Variants in PPARG observed in about 807,000 individuals in gnomAD.
PPARG encodes peroxisome proliferator-activated receptor gamma.
In PPARG, 17 loss-of-function variants were observed where a neutral mutation model predicts 39.2. The ratio of observed to expected loss-of-function variants is 0.43; its 90% CI spans 0.30 to 0.65. The LOEUF (loss-of-function observed/expected upper bound fraction) is 0.65, where lower values mean the gene tolerates loss of function less well. Ranked by LOEUF, PPARG falls within the 30% of genes least tolerant of loss-of-function variation. The pLI is 0.13. For synonymous variants in PPARG, 223 were observed against 215.7 expected (o/e 1.03, Z -0.30); for missense variants, 406 against 585.9 (o/e 0.69, Z 3.17).
chr3:12,312,929 G>A (rs2047289205), intron 2 of PPARG, among the ~76,000 whole-genome samples: 1 of 152,112 alleles, frequency 6.6e-6, no homozygotes, highest in Non-Finnish European at 1.5e-5. Context: ...GTTATACCCG[G>A]CATTAAAACT....
intron 5 of PPARG, among the ~76,000 whole-genome samples, chr3:12,400,619 C>T (rs375350709): frequency 2.1e-4 from 32 of 152,306 alleles, no homozygotes; most frequent in Middle Eastern, 3.4e-3. Flanking sequence ...TAGGAAACTG[C>T]GTGCCAGTGT....
At chr3:12,421,280 G>A (rs2051251336) in intron 7 of PPARG, among the ~76,000 whole-genome samples, 1 of 152,194 alleles carries the variant, frequency 6.6e-6, no homozygotes, top group South Asian at 2.1e-4. Context: ...TAGAAGCCAG[G>A]AACAGCGCTT....
At chr3:12,362,574 G>GAAC (rs1360306267) in intron 2 of PPARG, among the ~76,000 whole-genome samples, 1 of 149,064 alleles carries the variant, frequency 6.7e-6, no homozygotes, top group East Asian at 2.0e-4. Context: ...TAAATAAAAC[G>GAAC]AACAACAACA....
Position 12,396,672 on chromosome 3 carries a change from C to T in PPARG, c.529+3920C>T, listed in dbSNP as rs139677846. Among the ~76,000 whole-genome samples, 3 of 150,804 alleles carry T rather than the reference C, an allele frequency of 2.0e-5. No individual in the cohort carries two copies. In the East Asian group the frequency reaches 5.9e-4, roughly 30 times the overall value. ...ACTCGGGAGTCTGGAGTGGGAAGAT[C>T]GCTTTAGCCCAGGGGGTGGAAGTTG... On this transcript the variant is annotated intron_variant, in intron 5 of 7. Transcript: ENST00000651735.
At chr3:12,294,462 A>G (rs961984746) in intron 1 of PPARG, among the ~76,000 whole-genome samples, 9 of 152,216 alleles carry the variant, frequency 5.9e-5, no homozygotes, top group African/African-American at 2.2e-4. Context: ...TGGTCTCTTC[A>G]TGAGTCAACT....
chr3:12,302,028 T>C (rs1377064559), intron 1 of PPARG, among the ~76,000 whole-genome samples: 1 of 152,026 alleles, frequency 6.6e-6, no homozygotes, highest in Non-Finnish European at 1.5e-5. Context: ...AGGGGTAGTG[T>C]TGAAACAGGT....
chr3:12,357,137 C>T (rs6778740), intron 2 of PPARG, among the ~76,000 whole-genome samples: 16,199 of 152,054 alleles, frequency 0.11, 2,843 homozygotes, highest in African/African-American at 0.37. Flanking sequence ...TAGTCTCAAC[C>T]GGTCACCCAC....
At position 12,311,826 on chromosome 3, in the gene PPARG, G is replaced by A. The variant is rs937959389; in HGVS notation, c.-82-554G>A. ...GTTCGTCCTCTGAAAAGTCTGCTTC[G>A]TGAGGGGTGTGCTGCATTTGCCTTG... On this transcript the variant is annotated intron_variant, in intron 1 of 7. Coordinates refer to ENST00000651735, the MANE Select transcript of PPARG (RefSeq NM_138711.6). Among the ~76,000 whole-genome samples, 5 of 152,150 alleles carry A rather than the reference G, an allele frequency of 3.3e-5. No individual in the cohort carries two copies. The East Asian group carries it at 5.8e-4, about 18-fold the overall frequency.
intron 2 of PPARG, among the ~76,000 whole-genome samples, chr3:12,350,263 A>C (rs1575037577): frequency 6.6e-6 from 1 of 152,246 alleles, no homozygotes; most frequent in East Asian, 1.9e-4. Flanking sequence ...GCCTTAATAA[A>C]GATGTTTTGG....
intron 5 of PPARG, among the ~76,000 whole-genome samples, chr3:12,402,342 C>A (rs1022386209): frequency 6.6e-6 from 1 of 152,264 alleles, no homozygotes; most frequent in Non-Finnish European, 1.5e-5. Flanking sequence ...CGCCTTCTTA[C>A]TTAGTGCTTT....
chr3:12,335,671 T>C (rs2047990683), intron 2 of PPARG, among the ~76,000 whole-genome samples: 1 of 152,166 alleles, frequency 6.6e-6, no homozygotes, highest in Non-Finnish European at 1.5e-5. Context: ...ATTCTCACCC[T>C]CTACAAAACA....
At chr3:12,305,736 C>CAT (rs1251099036) in intron 1 of PPARG, 2 of 152,176 alleles carry the variant, frequency 1.3e-5, no homozygotes, top group East Asian at 3.8e-4. Context: ...AAATAGCCAT[C>CAT]ATAACTTTTT....
intron 2 of PPARG, chr3:12,351,329 A>G (rs2048480385): frequency 1.8e-6 from 1 of 555,736 alleles, no homozygotes; most frequent in East Asian, 3.0e-5. Flanking sequence ...CCTGTAATGT[A>G]CCAAGTCTTG....
chr3:12,414,131 C>T (rs1003005156), intron 6 of PPARG, among the ~76,000 whole-genome samples: 7 of 152,166 alleles, frequency 4.6e-5, no homozygotes, highest in African/African-American at 1.7e-4. Flanking sequence ...GAAAGAATTT[C>T]ATGCATATGT....
chr3:12,419,027 C>T (rs2051171660), intron 7 of PPARG, among the ~76,000 whole-genome samples: 1 of 152,338 alleles, frequency 6.6e-6, no homozygotes, highest in East Asian at 1.9e-4. Flanking sequence ...TCACTGCAAT[C>T]TCCACCTCCC....
intron 2 of PPARG, among the ~76,000 whole-genome samples, chr3:12,341,302 G>T (rs2048178402): frequency 6.6e-6 from 1 of 152,196 alleles, no homozygotes; most frequent in Admixed American, 6.5e-5. Context: ...AAAAATAGCT[G>T]AAAAAGAAAA....
At position 12,342,644 on chromosome 3, in the gene PPARG, A is replaced by G. The variant is rs529643792; in HGVS notation, c.-9+30191A>G. Among the ~76,000 whole-genome samples, 307 of 152,364 alleles carry G rather than the reference A, an allele frequency of 2.0e-3. 2 individuals carry two copies. Among genetic ancestry groups the G allele is most frequent in the Non-Finnish European group, 2.2e-3 (152 of 68,034 alleles). The stretch of plus-strand genomic sequence containing the variant: ...TATCTGTATATACATATGATCATAC[A>G]TATGCCCAGAAAAAGACCCAGATGC... On this transcript the variant is annotated intron_variant, in intron 2 of 7. Coordinates refer to ENST00000651735, the MANE Select transcript of PPARG (RefSeq NM_138711.6).
At chr3:12,342,150 A>C (rs2125071599) in intron 2 of PPARG, among the ~76,000 whole-genome samples, 1 of 152,298 alleles carries the variant, frequency 6.6e-6, no homozygotes, top group South Asian at 2.1e-4. Context: ...TTCAAGCCTA[A>C]AATGTTTAAC....
intron 6 of PPARG, among the ~76,000 whole-genome samples, chr3:12,407,319 C>T (rs1465820206): frequency 6.6e-6 from 1 of 152,126 alleles, no homozygotes; most frequent in African/African-American, 2.4e-5. Context: ...TGCCACCATG[C>T]CCAGCTAATT....
Sources: allele counts gnomAD v4.1 joint callset (sites outside exome capture counted in the v4.1 genomes callset), GRCh38; gene constraint gnomAD v4.1.1; transcripts MANE v1.5; gene names NCBI Gene and HGNC (gene_info 2026-07-23, HGNC 2026-07-21).